Variants in NKAIN2 observed in about 807,000 individuals in gnomAD.
NKAIN2 encodes sodium/potassium transporting ATPase interacting 2.
In NKAIN2, 14 loss-of-function variants were observed where a neutral mutation model predicts 32.6. That is an observed-to-expected ratio of 0.43 (90% CI 0.28 to 0.67). NKAIN2 has a LOEUF of 0.67. Ranked by LOEUF, NKAIN2 falls within the 30% of genes least tolerant of loss-of-function variation. NKAIN2 has a pLI of 0.17. For missense variants in NKAIN2, 198 were observed against 258.3 expected (o/e 0.77, Z 1.60); for synonymous variants, 80 against 87.2 (o/e 0.92, Z 0.46).
chr6:124,746,718 G>A (rs1344040543), intron 4 of NKAIN2, among the ~76,000 whole-genome samples: 1 of 151,736 alleles, frequency 6.6e-6, no homozygotes, highest in Middle Eastern at 3.2e-3. Context: ...TGAGCATTTA[G>A]TACTTCCATG....
At chr6:124,163,727 G>C (rs1282379666) in intron 1 of NKAIN2, among the ~76,000 whole-genome samples, 2 of 151,882 alleles carry the variant, frequency 1.3e-5, no homozygotes, top group African/African-American at 4.8e-5. Context: ...GAAATCCAAA[G>C]AACAGAAACA....
At chr6:124,615,426 A>C (rs1277701776) in intron 3 of NKAIN2, among the ~76,000 whole-genome samples, 1 of 152,202 alleles carries the variant, frequency 6.6e-6, no homozygotes, top group Non-Finnish European at 1.5e-5. Flanking sequence ...CAGAATCCTG[A>C]GTCTCTACAA....
chr6:124,616,437 C>CTTTTTTTTTTTT (rs79406895), intron 3 of NKAIN2, among the ~76,000 whole-genome samples: 1 of 70,444 alleles, frequency 1.4e-5, no homozygotes, highest in Admixed American at 1.9e-4. Flanking sequence ...TCTTTTCTTT[C>CTTTTTTTTTTTT]TTTTTTTTTT....
chr6:124,264,494 A>G (rs188469235), intron 1 of NKAIN2, among the ~76,000 whole-genome samples: 12 of 152,354 alleles, frequency 7.9e-5, no homozygotes, highest in Admixed American at 7.2e-4. Flanking sequence ...CATTCTAATT[A>G]AAAATAAGTC....
intron 1 of NKAIN2, among the ~76,000 whole-genome samples, chr6:123,923,796 T>TGGGGGGA (rs1775874124): frequency 1.6e-5 from 1 of 63,034 alleles, no homozygotes; most frequent in Non-Finnish European, 2.8e-5. Context: ...TGTTGTGGGG[T>TGGGGGGA]GGGGGGAGGG....
In NKAIN2 at chr6:124,621,790, A is replaced by G. The variant is rs535295386; in HGVS notation, c.274-36396A>G. 3.3e-5 allele frequency among the ~76,000 whole-genome samples: 5 copies of G among 152,088 alleles called. No homozygotes were observed. In the South Asian group the frequency reaches 1.0e-3, roughly 32 times the overall value. The stretch of plus-strand genomic sequence containing the variant: ...AAATAAGAGTTTTCTTACCTTTGAA[A>G]ATCTCTCCCAACTCTGCAGCTGGAG... On this transcript the variant is annotated intron_variant, in intron 3 of 6. Transcript: ENST00000368417.
chr6:123,873,031 G>A (rs368821278), intron 1 of NKAIN2, among the ~76,000 whole-genome samples: 90 of 152,258 alleles, frequency 5.9e-4, no homozygotes, highest in Admixed American at 1.2e-3. Context: ...AAAACTTTGA[G>A]CAAGATGGAC....
rs117293537 is a variant in NKAIN2 at position 124,377,748 on chromosome 6, G to A, written c.273+22401G>A. Among the ~76,000 whole-genome samples, 1,225 of 152,222 alleles carry A rather than the reference G, an allele frequency of 8.0e-3. 4 individuals carry two copies. Among genetic ancestry groups the A allele is most frequent in the Non-Finnish European group, 0.013 (886 of 68,000 alleles). ...TGAGGTAAATGGAATGATTTTTAGC[G>A]TGGAATGACATAAAATAGTTTGCAT... On this transcript the variant is annotated intron_variant, in intron 3 of 6. Coordinates refer to ENST00000368417, the MANE Select transcript of NKAIN2 (RefSeq NM_001040214.3).
At chr6:124,336,366 T>G (rs1797857256) in intron 2 of NKAIN2, among the ~76,000 whole-genome samples, 1 of 152,148 alleles carries the variant, frequency 6.6e-6, no homozygotes, top group Non-Finnish European at 1.5e-5. Flanking sequence ...ATGTAAGAAA[T>G]CTCATGTGTG....
chr6:124,495,821 AGAGCC>A (rs1778041757), intron 3 of NKAIN2, among the ~76,000 whole-genome samples: 1 of 152,164 alleles, frequency 6.6e-6, no homozygotes, highest in Admixed American at 6.6e-5. Flanking sequence ...CACCAGGGGT[AGAGCC>A]AACCCATAGA....
chr6:124,820,227 A>G (rs1781337077), intron 6 of NKAIN2, among the ~76,000 whole-genome samples: 1 of 152,198 alleles, frequency 6.6e-6, no homozygotes, highest in Non-Finnish European at 1.5e-5. Context: ...AACATTCTAT[A>G]AAGTGTTCTA....
chr6:123,922,711 G>A (rs1001393408), intron 1 of NKAIN2, among the ~76,000 whole-genome samples: 4 of 152,060 alleles, frequency 2.6e-5, no homozygotes, highest in African/African-American at 9.7e-5. Flanking sequence ...GAATCTTGGT[G>A]TCTCCATTGT....
intron 1 of NKAIN2, among the ~76,000 whole-genome samples, chr6:124,104,603 G>T (rs890586162): frequency 6.6e-6 from 1 of 152,062 alleles, no homozygotes; most frequent in Non-Finnish European, 1.5e-5. Context: ...TTGCTCTAAT[G>T]CTAGGAAAAG....
chr6:124,496,035 A>G (rs760833797), intron 3 of NKAIN2, among the ~76,000 whole-genome samples: 29 of 152,178 alleles, frequency 1.9e-4, no homozygotes, highest in South Asian at 8.3e-4. Flanking sequence ...ACAGCTCTGA[A>G]AAAAACTGTT....
intron 4 of NKAIN2, among the ~76,000 whole-genome samples, chr6:124,699,829 C>T (rs74297143): frequency 3.5e-4 from 53 of 152,114 alleles, no homozygotes; most frequent in East Asian, 2.3e-3. Flanking sequence ...AATGCAAAAA[C>T]GGACTAATAC....
At chr6:124,241,651 C>T (rs1288633489) in intron 1 of NKAIN2, among the ~76,000 whole-genome samples, 1 of 152,126 alleles carries the variant, frequency 6.6e-6, no homozygotes, top group Non-Finnish European at 1.5e-5. Context: ...AAAGGATTCC[C>T]TGTTTAATAA....
intron 1 of NKAIN2, among the ~76,000 whole-genome samples, chr6:123,886,357 C>T (rs981675329): frequency 2.0e-5 from 3 of 151,886 alleles, no homozygotes; most frequent in African/African-American, 7.2e-5. Context: ...ATTTTGCAGG[C>T]ATTAAAGTGA....
chr6:124,435,528 A>C (rs1479701360), intron 3 of NKAIN2, among the ~76,000 whole-genome samples: 1 of 152,096 alleles, frequency 6.6e-6, no homozygotes, highest in African/African-American at 2.4e-5. Flanking sequence ...TAATCCCTTT[A>C]CTGTACACCT....
At chr6:124,226,948 G>C (rs957761352) in intron 1 of NKAIN2, among the ~76,000 whole-genome samples, 1 of 152,002 alleles carries the variant, frequency 6.6e-6, no homozygotes, top group South Asian at 2.1e-4. Context: ...AATCCTGTAA[G>C]AAATAGAAAT....
Sources: gnomAD v4.1 joint callset for allele counts (sites outside exome capture counted in the v4.1 genomes callset) on GRCh38, gnomAD v4.1.1 for gene constraint, MANE v1.5 for transcripts, NCBI Gene and HGNC (gene_info 2026-07-23, HGNC 2026-07-21) for gene names.